Variants in IGSF11 observed in about 807,000 individuals in gnomAD.
IGSF11 encodes the protein CXADR like 1.
IGSF11 carries 22 observed loss-of-function variants against 41.0 expected under a neutral mutation model. The ratio of observed to expected loss-of-function variants is 0.54; its 90% CI spans 0.38 to 0.77. IGSF11 has a LOEUF of 0.77. Ranked by LOEUF, IGSF11 falls within the 30% of genes least tolerant of loss-of-function variation. IGSF11 has a pLI of 0.00. For synonymous variants in IGSF11, 219 were observed against 201.3 expected (o/e 1.09, Z -0.74); for missense variants, 444 against 530.8 (o/e 0.84, Z 1.61).
chr3:119,088,970 A>G (rs953746034), intron 1 of IGSF11, among the ~76,000 whole-genome samples: 1 of 152,156 alleles, frequency 6.6e-6, no homozygotes, highest in African/African-American at 2.4e-5. Flanking sequence ...CCAACCATAA[A>G]AAGTCCTAGA....
At chr3:118,976,503 G>A (rs997365229) in intron 1 of IGSF11, among the ~76,000 whole-genome samples, 1 of 152,186 alleles carries the variant, frequency 6.6e-6, no homozygotes, top group African/African-American at 2.4e-5. Flanking sequence ...CTCAAAGTAG[G>A]AATCTACCAC....
chr3:118,995,873 G>A (rs1017908681), intron 1 of IGSF11, among the ~76,000 whole-genome samples: 2 of 152,126 alleles, frequency 1.3e-5, no homozygotes, highest in African/African-American at 2.4e-5. Context: ...GGATGGTCTC[G>A]ATCTGACCTC....
chr3:119,042,241 C>T (rs1941144177), intron 1 of IGSF11, among the ~76,000 whole-genome samples: 1 of 152,192 alleles, frequency 6.6e-6, no homozygotes, highest in African/African-American at 2.4e-5. Context: ...GAGAAGGCAG[C>T]CAGCAGAATC....
At chr3:119,076,381 C>A (rs1483731319) in intron 1 of IGSF11, among the ~76,000 whole-genome samples, 2 of 152,170 alleles carry the variant, frequency 1.3e-5, no homozygotes, top group African/African-American at 4.8e-5. Context: ...ACACAAAAAG[C>A]AATGGCAACA....
chr3:119,004,733 T>C (rs1214487252), intron 1 of IGSF11, among the ~76,000 whole-genome samples: 3 of 148,690 alleles, frequency 2.0e-5, no homozygotes, highest in Non-Finnish European at 4.4e-5. Context: ...CAGTAGTCAT[T>C]CAGGAGCAGG....
intron 4 of IGSF11, among the ~76,000 whole-genome samples, chr3:118,919,638 AG>A (rs1165379251): frequency 6.7e-5 from 1 of 14,908 alleles, no homozygotes; most frequent in Non-Finnish European, 1.2e-4. Flanking sequence ...GTGGAGAAAT[AG>A]GAACACTTTT....
At chr3:118,967,403 A>G (rs574873679) in intron 1 of IGSF11, among the ~76,000 whole-genome samples, 10 of 152,290 alleles carry the variant, frequency 6.6e-5, no homozygotes, top group African/African-American at 2.4e-4. Flanking sequence ...TTTCAACTAC[A>G]TTAACTCTTC....
At chr3:119,109,706 T>C (rs1451744279), upstream of IGSF11, among the ~76,000 whole-genome samples, 1 of 152,226 alleles carries the variant, frequency 6.6e-6, no homozygotes, top group East Asian at 1.9e-4. Flanking sequence ...GGATCTTTCC[T>C]GCTTTCTCTT....
intron 1 of IGSF11, among the ~76,000 whole-genome samples, chr3:118,999,716 C>T (rs1435661): frequency 0.41 from 62,226 of 151,994 alleles, 15,921 homozygotes; most frequent in African/African-American, 0.73. Flanking sequence ...AAATAAACTT[C>T]ATAACACTAC....
At position 119,132,864 on chromosome 3, in the gene IGSF11, A is replaced by G. The variant is rs1260505635; in HGVS notation, c.-14+12949T>C. ...AAAAAAATGGAAATCACAACAAACT[A>G]TCTCTCAGACCACAGCACAATCAAA... On this transcript the variant is annotated intron_variant, in intron 1 of 7. Coordinates refer to the IGSF11 transcript ENST00000425327. 5.9e-5 allele frequency among the ~76,000 whole-genome samples: 9 copies of G among 152,250 alleles called. No homozygotes were observed. In the East Asian group the frequency reaches 1.2e-3, roughly 20 times the overall value.
chr3:119,041,129 GA>G (rs1451589012), intron 1 of IGSF11, among the ~76,000 whole-genome samples: 2 of 152,120 alleles, frequency 1.3e-5, no homozygotes, highest in South Asian at 2.1e-4. Context: ...AGTATTAATA[GA>G]AGAAAATAAT....
intron 4 of IGSF11, among the ~76,000 whole-genome samples, chr3:118,908,463 A>G (rs1939878950): frequency 6.6e-6 from 1 of 152,252 alleles, no homozygotes; most frequent in Non-Finnish European, 1.5e-5. Flanking sequence ...TCCAGCAAAC[A>G]GCAGACTGTT....
intron 1 of IGSF11, among the ~76,000 whole-genome samples, chr3:118,996,801 G>A (rs1464045176): frequency 8.6e-5 from 13 of 151,820 alleles, no homozygotes; most frequent in African/African-American, 2.7e-4. Context: ...GGGTTTCACC[G>A]TGTAAGCCAG....
chr3:119,070,111 G>C (rs2076372278), intron 1 of IGSF11, among the ~76,000 whole-genome samples: 2 of 152,140 alleles, frequency 1.3e-5, no homozygotes, highest in Non-Finnish European at 2.9e-5. Context: ...GAATTCAAAA[G>C]TTCTGGAATT....
chr3:119,093,340 A>C (rs2076795106), intron 1 of IGSF11, among the ~76,000 whole-genome samples: 1 of 151,808 alleles, frequency 6.6e-6, no homozygotes, highest in Non-Finnish European at 1.5e-5. Flanking sequence ...TGACCCAAAC[A>C]CACTACCATG....
Position 118,917,115 on chromosome 3 carries a change from G to C in IGSF11, c.580+8986C>G, listed in dbSNP as rs1278640654. Among the ~76,000 whole-genome samples the C allele has an allele frequency of 1.3e-5, 2 of 151,836 alleles. 1 individual carries two copies. Among genetic ancestry groups the C allele is most frequent in the South Asian group, 4.2e-4 (2 of 4,736 alleles). On this transcript the variant is annotated intron_variant, in intron 4 of 6. Coordinates refer to ENST00000393775, the MANE Select transcript of IGSF11 (RefSeq NM_001015887.3). ...TGGGACGCATTCAAAGCAGTGTGTA[G>C]AGGGAAATTTATAGCACTAAATGCC...
In IGSF11 at chr3:118,959,085, T is replaced by C. The variant is rs145069703; in HGVS notation, c.53-28810A>G. Among the ~76,000 whole-genome samples the C allele has an allele frequency of 9.8e-5, 15 of 152,320 alleles. No homozygotes were observed. In the East Asian group the frequency reaches 2.7e-3, roughly 27 times the overall value. ...TGTTTTGCTGGTAAATAATGTTGGA[T>C]ACATCATATTAGATGTTAAAGCTGC... On this transcript the variant is annotated intron_variant, in intron 1 of 6. Transcript: ENST00000393775.
chr3:118,903,335 ATATT>A (rs1559866318), intron 6 of IGSF11, among the ~76,000 whole-genome samples: 1 of 151,850 alleles, frequency 6.6e-6, no homozygotes, highest in Non-Finnish European at 1.5e-5. Context: ...TATATAGTAA[ATATT>A]TAGTATCTTG....
At chr3:118,957,561 A>G (rs913767274) in intron 1 of IGSF11, among the ~76,000 whole-genome samples, 2 of 152,204 alleles carry the variant, frequency 1.3e-5, no homozygotes, top group Admixed American at 1.3e-4. Flanking sequence ...TTTTGAATAT[A>G]AGAAGTCTGC....
Sources: gnomAD v4.1 joint callset for allele counts (sites outside exome capture counted in the v4.1 genomes callset) on GRCh38, gnomAD v4.1.1 for gene constraint, MANE v1.5 for transcripts, NCBI Gene and HGNC (gene_info 2026-07-23, HGNC 2026-07-21) for gene names.